The following TRPM3 variants were observed in gnomAD, a reference collection of about 807,000 sequenced individuals.
TRPM3 encodes transient receptor potential cation channel subfamily M member 3, also known as long transient receptor potential channel 3.
TRPM3 carries 77 observed loss-of-function variants against 181.2 expected under a neutral mutation model. That is an observed-to-expected ratio of 0.42 (90% CI 0.35 to 0.51). The LOEUF (loss-of-function observed/expected upper bound fraction) is 0.51. Ranked by LOEUF, TRPM3 falls within the 20% of genes least tolerant of loss-of-function variation. TRPM3 has a pLI of 0.01. For missense variants in TRPM3, 1,759 were observed against 2,196.7 expected (o/e 0.80, Z 3.98); for synonymous variants, 745 against 796.4 (o/e 0.94, Z 1.09).
chr9:70,810,589 A>T lies in TRPM3; in HGVS notation c.973+17258T>A, dbSNP rs1474213860. On this transcript the variant is annotated intron_variant, in intron 6 of 25. Transcript: ENST00000677713. ...TTCCAACTGAATCAATGCTCAACCT[A>T]TATTTGGCACAGAGTTGGTGCTCAA... 2.0e-5 allele frequency among the ~76,000 whole-genome samples: 3 copies of T among 152,106 alleles called. 1 individual carries two copies. The highest frequency in any genetic ancestry group is 7.2e-5 in the African/African-American group (3 of 41,420).
chr9:70,843,280 A>G (rs1168259180), intron 4 of TRPM3, among the ~76,000 whole-genome samples, 153 bp from the exon 5 acceptor site: 1 of 152,240 alleles, frequency 6.6e-6, no homozygotes, highest in East Asian at 1.9e-4. Context: ...TATTTAGGAG[A>G]AAACATAAAC....
At chr9:71,328,626 C>A (rs1407182584) in intron 1 of TRPM3, among the ~76,000 whole-genome samples, 1 of 152,130 alleles carries the variant, frequency 6.6e-6, no homozygotes, top group Non-Finnish European at 1.5e-5. Flanking sequence ...TGTCCCTAGC[C>A]ACATAGCATA....
chr9:71,131,436 T>A (rs192885105), intron 1 of TRPM3, among the ~76,000 whole-genome samples: 28 of 152,360 alleles, frequency 1.8e-4, no homozygotes, highest in Admixed American at 1.6e-3. Context: ...AATCTACGAA[T>A]GGAATGTAAT....
At chr9:71,102,434 C>G (rs1446890627) in intron 1 of TRPM3, among the ~76,000 whole-genome samples, 4 of 152,192 alleles carry the variant, frequency 2.6e-5, no homozygotes, top group Non-Finnish European at 4.4e-5. Context: ...GAGCATTGCA[C>G]ATGAAGTCCT....
intron 1 of TRPM3, among the ~76,000 whole-genome samples, chr9:71,015,996 G>T (rs1413724990): frequency 6.6e-6 from 1 of 151,730 alleles, no homozygotes; most frequent in Non-Finnish European, 1.5e-5. Context: ...AGAGATTGAG[G>T]CCATCCTGTT....
Position 71,334,929 on chromosome 9 carries a change from T to A in TRPM3, c.183+111724A>T, listed in dbSNP as rs558468437. ...ATTGTTGGTTTATTCTCCATATACA[T>A]ACCAATATTGAGCTCCATAAAGAAT... On this transcript the variant is annotated intron_variant, in intron 1 of 24. Coordinates refer to the TRPM3 transcript ENST00000357533. 5.3e-5 allele frequency among the ~76,000 whole-genome samples: 8 copies of A among 152,242 alleles called. No individual in the cohort carries two copies. In the South Asian group the frequency reaches 1.7e-3, roughly 32 times the overall value.
intron 1 of TRPM3, among the ~76,000 whole-genome samples, chr9:71,444,840 G>C (rs1192442386): frequency 6.6e-6 from 1 of 152,150 alleles, no homozygotes; most frequent in African/African-American, 2.4e-5. Flanking sequence ...TTAAAACACT[G>C]ATAATTAAAA....
intron 1 of TRPM3, among the ~76,000 whole-genome samples, chr9:71,380,637 A>T (rs2092777782): frequency 6.6e-6 from 1 of 152,040 alleles, no homozygotes; most frequent in East Asian, 1.9e-4. Context: ...AGTATGGCTA[A>T]TATCTGATTA....
At chr9:71,131,398 A>C (rs979633223) in intron 1 of TRPM3, among the ~76,000 whole-genome samples, 2 of 152,122 alleles carry the variant, frequency 1.3e-5, no homozygotes, top group Non-Finnish European at 2.9e-5. Context: ...TAGCTATTTA[A>C]TTGATTGGTT....
intron 1 of TRPM3, among the ~76,000 whole-genome samples, chr9:71,291,422 A>T (rs2085799339): frequency 1.3e-5 from 2 of 152,126 alleles, no homozygotes; most frequent in Non-Finnish European, 2.9e-5. Flanking sequence ...TGCTCTTTCT[A>T]TTTTGTAGAT....
intron 1 of TRPM3, among the ~76,000 whole-genome samples, chr9:71,143,798 T>G (rs1417364117): frequency 6.6e-6 from 1 of 152,144 alleles, no homozygotes; most frequent in Non-Finnish European, 1.5e-5. Context: ...TAATTTACAC[T>G]CTCACCAACA....
chr9:71,353,175 G>A (rs1164407156), intron 1 of TRPM3, among the ~76,000 whole-genome samples: 1 of 151,876 alleles, frequency 6.6e-6, no homozygotes, highest in East Asian at 1.9e-4. Context: ...CTTCTCCAAT[G>A]CACCACCCCA....
intron 1 of TRPM3, among the ~76,000 whole-genome samples, chr9:71,190,760 T>G (rs1016420323): frequency 2.0e-5 from 3 of 151,852 alleles, no homozygotes; most frequent in African/African-American, 7.2e-5. Context: ...CTGAATGCCA[T>G]GTCCTCTGTT....
intron 1 of TRPM3, among the ~76,000 whole-genome samples, chr9:71,027,565 C>T (rs1313172653): frequency 6.6e-5 from 10 of 152,106 alleles, no homozygotes; most frequent in Non-Finnish European, 1.5e-5. Flanking sequence ...CTAAGAATCA[C>T]AATAAAATGT....
chr9:71,171,699 A>G (rs114379947), intron 1 of TRPM3, among the ~76,000 whole-genome samples: 1,744 of 152,232 alleles, frequency 0.011, 30 homozygotes, highest in African/African-American at 0.04. Flanking sequence ...AGCTCAAAGA[A>G]GGCAACGTGT....
At chr9:70,883,147 G>A (rs1589509518) in intron 1 of TRPM3, among the ~76,000 whole-genome samples, 1 of 152,030 alleles carries the variant, frequency 6.6e-6, no homozygotes, top group Non-Finnish European at 1.5e-5. Context: ...CTGACCACAC[G>A]TGGCCATTTT....
chr9:71,039,765 T>A (rs893834554), intron 1 of TRPM3, among the ~76,000 whole-genome samples: 1 of 152,186 alleles, frequency 6.6e-6, no homozygotes, highest in African/African-American at 2.4e-5. Flanking sequence ...ATGGAGGTAA[T>A]ACCTCACAGG....
intron 1 of TRPM3, among the ~76,000 whole-genome samples, chr9:71,229,480 A>C (rs2080906883): frequency 6.6e-6 from 1 of 152,156 alleles, no homozygotes; most frequent in Admixed American, 6.6e-5. Context: ...CAAGTTAAAA[A>C]GCTTCTTCAC....
intron 1 of TRPM3, among the ~76,000 whole-genome samples, chr9:71,085,889 A>G (rs2077214298): frequency 6.6e-6 from 1 of 152,082 alleles, no homozygotes; most frequent in Admixed American, 6.6e-5. Context: ...AAAAAAACAC[A>G]TGCACTTGCA....
Sources: gnomAD v4.1 joint callset for allele counts (sites outside exome capture counted in the v4.1 genomes callset) on GRCh38, gnomAD v4.1.1 for gene constraint, MANE v1.5 for transcripts, NCBI Gene and HGNC (gene_info 2026-07-23, HGNC 2026-07-21) for gene names.